The following UPRT variants were observed in gnomAD, a reference collection of about 807,000 sequenced individuals.
The protein encoded by UPRT is RP11-311P8.3.
UPRT carries 5 observed loss-of-function variants against 22.6 expected under a neutral mutation model. The ratio of observed to expected loss-of-function variants is 0.22; its 90% CI spans 0.12 to 0.47. The LOEUF is 0.47. Ranked by LOEUF, UPRT falls within the 20% of genes least tolerant of loss-of-function variation. The pLI is 0.99. For missense variants in UPRT, 181 were observed against 239.9 expected (o/e 0.75, Z 1.62); for synonymous variants, 77 against 87.7 (o/e 0.88, Z 0.68).
chrX:75,186,246 A>G (rs1310608777), intron 4 of UPRT, among the ~76,000 whole-genome samples: 2 of 111,365 alleles, frequency 1.8e-5, no homozygotes, highest in Non-Finnish European at 3.8e-5. Flanking sequence ...GGTTTCAAAG[A>G]ACATCTTTAT....
At chrX:75,168,041 G>A (rs1479493315) in intron 4 of UPRT, among the ~76,000 whole-genome samples, 1 of 112,080 alleles carries the variant, frequency 8.9e-6, no homozygotes, top group Non-Finnish European at 1.9e-5. Context: ...AAGTATCATG[G>A]ACAGATGAGA....
chrX:75,239,860 G>A (rs1471738809), intron 4 of UPRT, among the ~76,000 whole-genome samples: 1 of 110,900 alleles, frequency 9.0e-6, no homozygotes, highest in African/African-American at 3.3e-5. Context: ...ATACCATCTC[G>A]ATAGATGCAG....
chrX:75,157,715 A>G (rs1162508281), intron 1 of UPRT, among the ~76,000 whole-genome samples: 1 of 112,259 alleles, frequency 8.9e-6, no homozygotes, highest in Non-Finnish European at 1.9e-5. Context: ...AGTTAATGCA[A>G]TAGTTCAGTC....
chrX:75,238,308 C>T (rs772890399), intron 4 of UPRT, among the ~76,000 whole-genome samples: 1 of 111,149 alleles, frequency 9.0e-6, no homozygotes, highest in Non-Finnish European at 1.9e-5. Context: ...CAAATAGACA[C>T]CCACAGCAAG....
intron 2 of UPRT, among the ~76,000 whole-genome samples, chrX:75,161,377 T>A (rs2082198928): frequency 8.9e-6 from 1 of 112,943 alleles, no homozygotes. Context: ...TTAATAATAG[T>A]TGTTTGTATA....
Position 75,304,675 on chromosome X carries a change from C to A in UPRT, c.*1164C>A, listed in dbSNP as rs1042975797. On this transcript the variant is annotated 3_prime_UTR_variant, in exon 7 of 7. Transcript: ENST00000373383. ...GCTGTTGTGGGCCTCTGTTCAAAAG[C>A]ACAGAAAAGAGCAGAAGGAAATGTC... 59 of 111,133 alleles carry A rather than the reference C, an allele frequency of 5.3e-4. No homozygotes were observed. Among genetic ancestry groups the A allele is most frequent in the African/African-American group, 1.9e-3 (58 of 30,532 alleles). The allele number at this position is 111,133 out of a possible 1,213,427, so 9.2% of individuals were successfully genotyped here. A position where few individuals can be genotyped will look rare whatever the true frequency, so the allele number is the denominator to read the frequency against.
chrX:75,254,857 G>A (rs2082544151), intron 4 of UPRT, among the ~76,000 whole-genome samples: 1 of 100,813 alleles, frequency 9.9e-6, no homozygotes, highest in African/African-American at 3.7e-5. Flanking sequence ...CACACTGCAA[G>A]CTCCGCTTCC....
At chrX:75,197,830 T>C (rs775357384) in intron 4 of UPRT, among the ~76,000 whole-genome samples, 1 of 112,198 alleles carries the variant, frequency 8.9e-6, no homozygotes, top group East Asian at 2.8e-4. Flanking sequence ...AGACTAAAAA[T>C]ACCAAGTACT....
chrX:75,263,968 G>T (rs369742937), intron 4 of UPRT, among the ~76,000 whole-genome samples: 4 of 110,190 alleles, frequency 3.6e-5, no homozygotes, highest in Non-Finnish European at 7.6e-5. Flanking sequence ...CCTTCATTTC[G>T]TTATGTACCC....
chrX:75,203,481 GACACACACAC>G lies in UPRT; in HGVS notation c.-447+35627_-447+35636del, dbSNP rs56145702. 3.1e-3 allele frequency among the ~76,000 whole-genome samples: 281 copies of G among 91,271 alleles called. 1 individual carries two copies. The highest frequency in any genetic ancestry group is 0.01 in the African/African-American group (247 of 24,695). 79.3% of individuals were successfully genotyped at this position (91,271 alleles called of 115,157 possible). A position where few individuals can be genotyped will look rare whatever the true frequency, so the allele number is the denominator to read the frequency against. ...GTTTGAAGAGAAGGCAAGGGTTAAA[GACACACACAC>G]ACACACACACACACACACACACACT... On this transcript the variant is annotated intron_variant, in intron 4 of 13. Coordinates refer to the UPRT transcript ENST00000652605.
At chrX:75,265,929 G>A (rs926484179) in intron 4 of UPRT, among the ~76,000 whole-genome samples, 3 of 111,255 alleles carry the variant, frequency 2.7e-5, no homozygotes, top group Non-Finnish European at 5.7e-5. Context: ...ACTGCTCAAT[G>A]AAATAAAAGA....
At chrX:75,241,026 T>A (rs2082486683) in intron 4 of UPRT, among the ~76,000 whole-genome samples, 1 of 109,718 alleles carries the variant, frequency 9.1e-6, no homozygotes, top group Admixed American at 9.7e-5. Flanking sequence ...AGGCAAAAAA[T>A]TTATGACCAA....
intron 4 of UPRT, among the ~76,000 whole-genome samples, chrX:75,208,261 T>G (rs1048421361): frequency 1.1e-4 from 12 of 110,991 alleles, no homozygotes; most frequent in African/African-American, 3.9e-4. Context: ...AAAAGCTAAG[T>G]GGTGTGTTGC....
chrX:75,180,777 G>T (rs1434751159), intron 4 of UPRT, among the ~76,000 whole-genome samples: 2 of 88,467 alleles, frequency 2.3e-5, no homozygotes, highest in African/African-American at 8.5e-5. Flanking sequence ...TTTGTTGGAT[G>T]CAGTTTGCAA....
At chrX:75,170,950 T>C (rs1245381859) in intron 4 of UPRT, among the ~76,000 whole-genome samples, 1 of 111,875 alleles carries the variant, frequency 8.9e-6, no homozygotes, top group Non-Finnish European at 1.9e-5. Flanking sequence ...TGCGTTATTC[T>C]GATAGATTTT....
chrX:75,286,035 A>T (rs767623055), intron 1 of UPRT, among the ~76,000 whole-genome samples: 4 of 110,502 alleles, frequency 3.6e-5, no homozygotes, highest in Non-Finnish European at 7.6e-5. Flanking sequence ...TGTAAAGCTC[A>T]TGTTTTCACT....
intron 4 of UPRT, among the ~76,000 whole-genome samples, chrX:75,194,075 C>T (rs971715797): frequency 8.9e-6 from 1 of 111,893 alleles, no homozygotes; most frequent in African/African-American, 3.2e-5. Context: ...TTCTTTCTCA[C>T]CTTTGTGGGC....
chrX:75,169,483 T>C (rs2082221126), intron 4 of UPRT, among the ~76,000 whole-genome samples: 1 of 111,887 alleles, frequency 8.9e-6, no homozygotes, highest in Non-Finnish European at 1.9e-5. Flanking sequence ...TAAAGTGTTA[T>C]TGCACTGTGG....
At chrX:75,211,104 C>T (rs1294192909) in intron 4 of UPRT, among the ~76,000 whole-genome samples, 1 of 110,223 alleles carries the variant, frequency 9.1e-6, no homozygotes, top group African/African-American at 3.3e-5. Flanking sequence ...ATGAGACACC[C>T]GAGAGTGGTG....
Sources: gnomAD v4.1 joint callset for allele counts (sites outside exome capture counted in the v4.1 genomes callset) on GRCh38, gnomAD v4.1.1 for gene constraint, MANE v1.5 for transcripts, NCBI Gene and HGNC (gene_info 2026-07-23, HGNC 2026-07-21) for gene names.